CELF5: variants seen among roughly 807,000 people sequenced by gnomAD.
CELF5 encodes the protein CUGBP Elav-like family member 5.
In CELF5, 6 loss-of-function variants were observed where a neutral mutation model predicts 54.9. That is an observed-to-expected ratio of 0.11 (90% CI 0.06 to 0.22). The LOEUF is 0.22. Among genes scored for constraint, CELF5 ranks in the 10% least tolerant of loss-of-function variants. CELF5 has a pLI of 1.00. For missense variants in CELF5, 401 were observed against 678.6 expected (o/e 0.59, Z 4.54); for synonymous variants, 271 against 290.9 (o/e 0.93, Z 0.70).
At chr19:3,245,401 C>CGTGTGTGTGTGGTGTGTG (rs2079553368) in intron 1 of CELF5, among the ~76,000 whole-genome samples, 1 of 140,902 alleles carries the variant, frequency 7.1e-6, no homozygotes, top group African/African-American at 2.6e-5. Flanking sequence ...TGTGTGTGTG[C>CGTGTGTGTGTGGTGTGTG]GTGTGTGTGT....
rs2080245593 is a variant in CELF5, at chr19:3,286,175, C to G, written c.1186+150C>G. On this transcript the variant is annotated intron_variant, in intron 10 of 12. Transcript: ENST00000292672. ...GACAGGCCAGAGTTGAGTCCCGGTGCAGCCGCTGACCCCTGGGAATCTCCC... is the reference window on the plus strand; with the variant it reads ...GACAGGCCAGAGTTGAGTCCCGGTGGAGCCGCTGACCCCTGGGAATCTCCC... 21 of 578,366 alleles carry G rather than the reference C, an allele frequency of 3.6e-5. No homozygotes were observed. The South Asian group carries it at 5.2e-4, about 14-fold the overall frequency. 35.8% of individuals were successfully genotyped at this position (578,366 alleles called of 1,614,324 possible).
At chr19:3,246,091 C>T (rs1191595139) in intron 1 of CELF5, among the ~76,000 whole-genome samples, 2 of 152,210 alleles carry the variant, frequency 1.3e-5, no homozygotes, top group Admixed American at 6.5e-5. Context: ...AGGCCGGGTG[C>T]GGTGGCTTAC....
rs944600072 is a variant in CELF5 at position 3,275,729 on chromosome 19, G to C, written c.395-127G>C. 2.9e-6 allele frequency: 3 copies of C among 1,032,994 alleles called. No homozygotes were observed. The African/African-American group carries it at 4.9e-5, about 17-fold the overall frequency. The allele number at this position is 1,032,994 out of a possible 1,614,324, so 64.0% of individuals were successfully genotyped here. ...GTCCTCCCTCGCACGCGCAGAACCGGAGCCGGCAGGGCCCGGGCGCCGCGT... is the reference window on the plus strand; with the variant it reads ...GTCCTCCCTCGCACGCGCAGAACCGCAGCCGGCAGGGCCCGGGCGCCGCGT... On this transcript the variant is annotated intron_variant, in intron 3 of 12. Coordinates refer to ENST00000292672, the MANE Select transcript of CELF5 (RefSeq NM_021938.4). The surrounding 1 kb of genome is among the most constrained non-coding windows in gnomAD (Gnocchi z 6.7).
At chr19:3,248,835 C>A (rs557551024) in intron 1 of CELF5, among the ~76,000 whole-genome samples, 12 of 151,246 alleles carry the variant, frequency 7.9e-5, no homozygotes, top group African/African-American at 2.9e-4. Flanking sequence ...ATTCCTACTA[C>A]AAACTTTTTT....
chr19:3,250,718 A>G (rs1432793439), intron 1 of CELF5, among the ~76,000 whole-genome samples: 1 of 152,190 alleles, frequency 6.6e-6, no homozygotes, highest in East Asian at 1.9e-4. Flanking sequence ...TAGGAGTGGA[A>G]TCACACAGGA....
chr19:3,244,526 TGC>T (rs2145034481), intron 1 of CELF5, among the ~76,000 whole-genome samples: 1 of 149,778 alleles, frequency 6.7e-6, no homozygotes, highest in Non-Finnish European at 1.5e-5. Flanking sequence ...GCGTCTTGTC[TGC>T]GTGTGTGTGT....
chr19:3,281,423 C>G lies in CELF5; in HGVS notation c.750+78C>G. 6.7e-7 allele frequency: 1 copy of G among 1,489,290 alleles called. No individual in the cohort carries two copies. Among genetic ancestry groups the G allele is most frequent in the East Asian group, 2.3e-5 (1 of 43,604 alleles). 92.3% of individuals were successfully genotyped at this position (1,489,290 alleles called of 1,614,324 possible). A position where few individuals can be genotyped will look rare whatever the true frequency, so the allele number is the denominator to read the frequency against. ...TGTCTACTCTCTGTCGGGCTCCTGC[C>G]TCTCCCTCCATCTCCCTGACTCAGG... is the stretch of plus-strand genomic sequence containing the variant. On this transcript the variant is annotated intron_variant, in intron 6 of 12. Coordinates refer to ENST00000292672, the MANE Select transcript of CELF5 (RefSeq NM_021938.4). This position sits in a 1 kb window ranked among gnomAD's most constrained non-coding sequence, Gnocchi z 6.5.
chr19:3,275,665 A>T lies in CELF5; in HGVS notation c.395-191A>T, dbSNP rs1258362764. Among the ~76,000 whole-genome samples the T allele has an allele frequency of 6.6e-6, 1 of 151,026 alleles. No homozygotes were observed. The highest frequency in any genetic ancestry group is 1.9e-4 in the East Asian group (1 of 5,132). On this transcript the variant is annotated intron_variant, in intron 3 of 12. Transcript: ENST00000292672. The surrounding 1 kb of genome is among the most constrained non-coding windows in gnomAD (Gnocchi z 6.7). The stretch of plus-strand genomic sequence containing the variant: ...GATGGGAGCGTGCAGGGCCCGTGGG[A>T]GGGTGGAGAGATCCGGGGCAGGGAA...
intron 1 of CELF5, among the ~76,000 whole-genome samples, chr19:3,242,903 G>C (rs1490528542): frequency 6.6e-6 from 1 of 152,102 alleles, no homozygotes; most frequent in African/African-American, 2.4e-5. Context: ...GGTGGAGGTT[G>C]CAGTGAGGTG....
chr19:3,293,614 C>T, intron 12 of CELF5, 128 bp downstream of exon 12: 1 of 805,886 alleles, frequency 1.2e-6, no homozygotes, highest in African/African-American at 1.7e-5. Context: ...CAAGAAACCT[C>T]CGGGTTGGGT....
chr19:3,278,412 A>G lies in CELF5; in HGVS notation c.603+302A>G, dbSNP rs2080091689. Among the ~76,000 whole-genome samples, 1 of 151,436 alleles carries G rather than the reference A, an allele frequency of 6.6e-6. No individual in the cohort carries two copies. Among genetic ancestry groups the G allele is most frequent in the African/African-American group, 2.4e-5 (1 of 41,134 alleles). On this transcript the variant is annotated intron_variant, in intron 5 of 12. Coordinates refer to ENST00000292672, the MANE Select transcript of CELF5 (RefSeq NM_021938.4). This position sits in a 1 kb window ranked among gnomAD's most constrained non-coding sequence, Gnocchi z 4.5. Reference sequence around the variant, plus strand: ...ATGTCTGGGTGTGAGTGTGCCCGAGACTGCATGCATGTGTGTGTGTGAGTG... The same window carrying G: ...ATGTCTGGGTGTGAGTGTGCCCGAGGCTGCATGCATGTGTGTGTGTGAGTG...
Position 3,228,057 on chromosome 19 carries a change from G to C in CELF5, c.259+3059G>C, listed in dbSNP as rs115221169. On this transcript the variant is annotated intron_variant, in intron 1 of 12. Coordinates refer to ENST00000292672, the MANE Select transcript of CELF5 (RefSeq NM_021938.4). The surrounding 1 kb of genome is among the most constrained non-coding windows in gnomAD (Gnocchi z 6.0). ...AGGGGTAGGGGGAGAGGGATGCGTCGAGGTGGTCTTCCGAAAGAGGGCAGG... is the reference window on the plus strand; with the variant it reads ...AGGGGTAGGGGGAGAGGGATGCGTCCAGGTGGTCTTCCGAAAGAGGGCAGG... 6.6e-6 allele frequency among the ~76,000 whole-genome samples: 1 copy of C among 152,056 alleles called. No individual in the cohort carries two copies. The highest frequency in any genetic ancestry group is 2.1e-4 in the South Asian group (1 of 4,814).
intron 9 of CELF5, 52 bp from the exon 10 acceptor site, chr19:3,285,890 C>T (rs1469196475): frequency 6.4e-6 from 9 of 1,405,622 alleles, no homozygotes; most frequent in Non-Finnish European, 8.4e-6. Context: ...CCCAGGCCGC[C>T]CACGTGGCCT....
intron 12 of CELF5, chr19:3,296,324 T>C (rs931898636): frequency 8.4e-5 from 7 of 83,664 alleles, no homozygotes; most frequent in Non-Finnish European, 1.7e-4. Context: ...GAAAAAAACA[T>C]TTAAAAAGAA....
rs112499585 is a variant in CELF5, at chr19:3,226,267, TTGAATGAATGAA to T, written c.259+1294_259+1305del. Among the ~76,000 whole-genome samples the T allele has an allele frequency of 7.7e-3, 1,159 of 150,394 alleles. 8 individuals carry two copies. Among genetic ancestry groups the T allele is most frequent in the African/African-American group, 0.022 (904 of 40,910 alleles). On this transcript the variant is annotated intron_variant, in intron 1 of 12. Transcript: ENST00000292672. ...AATGCATGTTTATTGAATGAATGAA[TTGAATGAATGAA>T]TGAATGAATGAATGAATGAATGAAG...
intron 1 of CELF5, among the ~76,000 whole-genome samples, chr19:3,244,408 G>C (rs577818819): frequency 6.8e-6 from 1 of 147,338 alleles, no homozygotes; most frequent in Non-Finnish European, 1.5e-5. Context: ...TGCATGCATT[G>C]TGTGTATGTG....
chr19:3,282,263 C>G lies in CELF5; in HGVS notation c.888C>G (p.Ala296=), dbSNP rs1868715642. The change falls in exon 7 of 13, where the codon GCC becomes GCG. Residue 296 remains alanine, a synonymous_variant. Coordinates refer to ENST00000292672, the MANE Select transcript of CELF5 (RefSeq NM_021938.4). The surrounding 1 kb of genome is among the most constrained non-coding windows in gnomAD (Gnocchi z 5.2). ...NGLPATPIAP[A]SGLHSPPLLG... ...TGCCTGCCACACCCATCGCTCCTGC[C>G]TCTGGTGAGCCTCCTCCAGGCACCC... is the stretch of plus-strand genomic sequence containing the variant. 2 of 1,612,166 alleles carry G rather than the reference C, an allele frequency of 1.2e-6. No homozygotes were observed. Among genetic ancestry groups the G allele is most frequent in the Non-Finnish European group, 8.5e-7 (1 of 1,180,040 alleles).
rs1466688449 is a variant in CELF5 at position 3,268,886 on chromosome 19, G to A, written c.343-4986G>A. On this transcript the variant is annotated intron_variant, in intron 2 of 12. Coordinates refer to ENST00000292672, the MANE Select transcript of CELF5 (RefSeq NM_021938.4). The surrounding 1 kb of genome is among the most constrained non-coding windows in gnomAD (Gnocchi z 4.4). ...GCAGCGGGGGGGCATTCTGTCACCAGCCACGTTCAGGGGGCCATGGCAGGA... is the reference window on the plus strand; with the variant it reads ...GCAGCGGGGGGGCATTCTGTCACCAACCACGTTCAGGGGGCCATGGCAGGA... Among the ~76,000 whole-genome samples the A allele has an allele frequency of 6.6e-6, 1 of 152,034 alleles. No homozygotes were observed. Among genetic ancestry groups the A allele is most frequent in the African/African-American group, 2.4e-5 (1 of 41,384 alleles).
At chr19:3,263,571 G>GAAACAAAC (rs35898846) in intron 2 of CELF5, among the ~76,000 whole-genome samples, 5 of 148,778 alleles carry the variant, frequency 3.4e-5, no homozygotes, top group African/African-American at 1.2e-4. Context: ...TAGAAACAAA[G>GAAACAAAC]AAACAAACAA....
Sources: allele counts gnomAD v4.1 joint callset (sites outside exome capture counted in the v4.1 genomes callset), GRCh38; gene constraint gnomAD v4.1.1; non-coding constraint Gnocchi (gnomAD v3.1); transcripts MANE v1.5; gene names NCBI Gene and HGNC (gene_info 2026-07-23, HGNC 2026-07-21).